The following UNC13C variants were observed in gnomAD, a reference collection of about 807,000 sequenced individuals.
UNC13C encodes protein unc-13 homolog C.
UNC13C carries 174 observed loss-of-function variants against 245.4 expected under a neutral mutation model. The ratio of observed to expected loss-of-function variants is 0.71; its 90% CI spans 0.63 to 0.80. The LOEUF (loss-of-function observed/expected upper bound fraction) is 0.80. Among genes scored for constraint, UNC13C ranks in the 30% least tolerant of loss-of-function variants. The probability of loss-of-function intolerance (pLI) is 0.00; values close to 1 mark genes in which losing one functional copy is unlikely to be tolerated. For synonymous variants in UNC13C, 992 were observed against 895.1 expected (o/e 1.11, Z -1.93); for missense variants, 2,829 against 2,602.9 (o/e 1.09, Z -1.89).
chr15:54,392,312 T>G (rs1357052157), intron 17 of UNC13C, among the ~76,000 whole-genome samples: 1 of 152,052 alleles, frequency 6.6e-6, no homozygotes, highest in Non-Finnish European at 1.5e-5. Flanking sequence ...AACCTCAAAG[T>G]AAATCTAGAT....
chr15:54,034,912 T>A (rs1896511742), intron 2 of UNC13C, among the ~76,000 whole-genome samples: 1 of 152,202 alleles, frequency 6.6e-6, no homozygotes, highest in South Asian at 2.1e-4. Context: ...CCAGTTTATC[T>A]AATCCTTTTA....
At chr15:53,896,838 A>T in the UNC13C span, among the ~76,000 whole-genome samples, 6 of 152,146 alleles carry the variant, frequency 3.9e-5, no homozygotes, top group Non-Finnish European at 8.8e-5. Flanking sequence ...ACCACACCCT[A>T]AGGTGAATAG....
Position 54,462,619 on chromosome 15 carries a change from G to A in UNC13C, c.4934-31989G>A, listed in dbSNP as rs556829835. Among the ~76,000 whole-genome samples the A allele has an allele frequency of 1.2e-4, 19 of 152,340 alleles. No individual in the cohort carries two copies. In the South Asian group the frequency reaches 2.5e-3, roughly 20 times the overall value. On this transcript the variant is annotated intron_variant, in intron 19 of 32. Coordinates refer to ENST00000260323, the MANE Select transcript of UNC13C (RefSeq NM_001080534.3). Reference sequence around the variant, plus strand: ...CTGGGCCAGCAGCTGCGGAGGGGGCGCCGGGTCCCCCAGCACTGCCGGCCT... The same window carrying A: ...CTGGGCCAGCAGCTGCGGAGGGGGCACCGGGTCCCCCAGCACTGCCGGCCT...
chr15:54,422,712 T>A (rs191539717), intron 19 of UNC13C, among the ~76,000 whole-genome samples: 1 of 151,960 alleles, frequency 6.6e-6, no homozygotes, highest in African/African-American at 2.4e-5. Context: ...TCAAGTCTCA[T>A]TTCATGGTCA....
intron 4 of UNC13C, among the ~76,000 whole-genome samples, chr15:54,153,280 A>G (rs2032604984): frequency 6.6e-6 from 1 of 151,972 alleles, no homozygotes; most frequent in Non-Finnish European, 1.5e-5. Context: ...GCAACACTTT[A>G]GATGTCATTT....
At chr15:54,093,952 G>T (rs529411931) in intron 2 of UNC13C, among the ~76,000 whole-genome samples, 128 of 152,184 alleles carry the variant, frequency 8.4e-4, no homozygotes, top group Admixed American at 1.9e-3. Context: ...ACTGTGGGGA[G>T]CATAATTGAC....
rs566387603 is a variant in UNC13C at position 54,385,232 on chromosome 15, C to T, written c.4714-7816C>T. Among the ~76,000 whole-genome samples the T allele has an allele frequency of 6.6e-5, 10 of 152,202 alleles. No homozygotes were observed. In the South Asian group the frequency reaches 2.1e-3, roughly 32 times the overall value. On this transcript the variant is annotated intron_variant, in intron 17 of 32. Transcript: ENST00000260323. ...CATGGTGAACGATGCCCACTTTCAC[C>T]GCTTCTATTCAACATAGTACTGGAA...
chr15:54,490,601 T>G (rs890258712), intron 19 of UNC13C, among the ~76,000 whole-genome samples: 3 of 152,040 alleles, frequency 2.0e-5, no homozygotes, highest in African/African-American at 7.2e-5. Flanking sequence ...CTGCTGGCTT[T>G]TACCTGCTTT....
At chr15:54,413,736 A>T (rs569292911) in intron 18 of UNC13C, among the ~76,000 whole-genome samples, 5 of 152,220 alleles carry the variant, frequency 3.3e-5, no homozygotes, top group Admixed American at 3.3e-4. Flanking sequence ...TGTATGTGTC[A>T]ATAGTCTTTT....
chr15:54,400,448 T>A (rs2040158728), intron 18 of UNC13C, among the ~76,000 whole-genome samples: 1 of 152,176 alleles, frequency 6.6e-6, no homozygotes, highest in African/African-American at 2.4e-5. Context: ...TTCTGGGTTA[T>A]TCCATTTGCT....
intron 1 of UNC13C, among the ~76,000 whole-genome samples, chr15:54,005,840 G>C (rs564096681): frequency 3.3e-5 from 5 of 152,288 alleles, no homozygotes; most frequent in African/African-American, 1.2e-4. Context: ...ACCTAGAGCA[G>C]AGGGTATACA....
intron 17 of UNC13C, among the ~76,000 whole-genome samples, chr15:54,357,148 C>T (rs941290385): frequency 6.6e-6 from 1 of 151,982 alleles, no homozygotes; most frequent in Non-Finnish European, 1.5e-5. Flanking sequence ...TTAAAAATCT[C>T]ATCCGATCTT....
chr15:54,250,049 G>C (rs1483940103), intron 7 of UNC13C, among the ~76,000 whole-genome samples, 176 bp from the exon 8 acceptor site: 1 of 151,948 alleles, frequency 6.6e-6, no homozygotes, highest in Non-Finnish European at 1.5e-5. Context: ...AACATTGAGA[G>C]AAGAATAGGT....
At chr15:53,917,918 A>G in the UNC13C span, among the ~76,000 whole-genome samples, 1 of 152,124 alleles carries the variant, frequency 6.6e-6, no homozygotes, top group Non-Finnish European at 1.5e-5. Flanking sequence ...TGTCTTAGCT[A>G]AGATAAAGAT....
At chr15:54,540,972 T>A (rs1165237066) in intron 26 of UNC13C, among the ~76,000 whole-genome samples, 1 of 152,052 alleles carries the variant, frequency 6.6e-6, no homozygotes. Context: ...TAGCCTTTGT[T>A]ATTCTGCCAT....
At chr15:54,025,781 C>T (rs957420702) in intron 2 of UNC13C, among the ~76,000 whole-genome samples, 4 of 152,168 alleles carry the variant, frequency 2.6e-5, no homozygotes, top group African/African-American at 9.6e-5. Flanking sequence ...ATCTTTCTCC[C>T]ATTTTACATG....
At chr15:54,452,143 C>A (rs1050377238) in intron 19 of UNC13C, among the ~76,000 whole-genome samples, 4 of 152,172 alleles carry the variant, frequency 2.6e-5, no homozygotes. Context: ...AGTCCTCAGA[C>A]CCCAGTGTGA....
intron 2 of UNC13C, among the ~76,000 whole-genome samples, chr15:54,127,978 T>A (rs2031168764): frequency 6.6e-6 from 1 of 151,544 alleles, no homozygotes; most frequent in Non-Finnish European, 1.5e-5. Context: ...AGTCGAAATA[T>A]CTCTCTCCTC....
chr15:54,577,934 C>G (rs1454398470), intron 30 of UNC13C, among the ~76,000 whole-genome samples: 1 of 152,122 alleles, frequency 6.6e-6, no homozygotes, highest in African/African-American at 2.4e-5. Context: ...TTTCAAGTAT[C>G]AGAATAATCC....
Sources: gnomAD v4.1 joint callset for allele counts (sites outside exome capture counted in the v4.1 genomes callset) on GRCh38, gnomAD v4.1.1 for gene constraint, MANE v1.5 for transcripts, NCBI Gene and HGNC (gene_info 2026-07-23, HGNC 2026-07-21) for gene names.